Variants in GRIK1 observed in about 807,000 individuals in gnomAD.
GRIK1 encodes the protein glutamate ionotropic receptor kainate type subunit 1.
GRIK1 carries 69 observed loss-of-function variants against 105.7 expected under a neutral mutation model. That is an observed-to-expected ratio of 0.65 (90% confidence interval 0.54 to 0.80). GRIK1 has a LOEUF of 0.80. Among genes scored for constraint, GRIK1 ranks in the 30% least tolerant of loss-of-function variants. The pLI, the probability that GRIK1 is intolerant of heterozygous loss-of-function variation, is 0.00. For synonymous variants in GRIK1, 438 were observed against 431.3 expected, an observed-to-expected ratio of 1.02 and a Z score of -0.19; for missense variants, 1,109 against 1,167.3, an observed-to-expected ratio of 0.95 and a Z score of 0.73.
chr21:29,776,497 G>A (rs890866519), intron 1 of GRIK1, among the ~76,000 whole-genome samples: 2 of 152,128 alleles, frequency 1.3e-5, no homozygotes, highest in African/African-American at 4.8e-5. Flanking sequence ...TTTATTTATG[G>A]AGTTGAAATT....
rs182153476 is a variant in GRIK1 at position 29,706,129 on chromosome 21, C to T, written c.119-12066G>A. 4.5e-4 allele frequency among the ~76,000 whole-genome samples: 69 copies of T among 152,282 alleles called. 1 individual carries two copies. In the East Asian group the frequency reaches 0.012, roughly 27 times the overall value. On this transcript the variant is annotated intron_variant, in intron 1 of 17. Coordinates refer to ENST00000327783, the MANE Select transcript of GRIK1 (RefSeq NM_001330994.2). ...CCTCAGATGATCTGTCCGCCTCGGC[C>T]TCCCAAAGCGCTGGGATTACAGGCA...
At chr21:29,580,806 T>C (rs1334042232) in intron 13 of GRIK1, among the ~76,000 whole-genome samples, 3 of 151,728 alleles carry the variant, frequency 2.0e-5, no homozygotes, top group Non-Finnish European at 4.4e-5. Flanking sequence ...TTAAAATAGC[T>C]CCCCCTTCCC....
intron 5 of GRIK1, among the ~76,000 whole-genome samples, chr21:29,652,195 G>A (rs976714696): frequency 2.0e-5 from 3 of 152,124 alleles, no homozygotes; most frequent in African/African-American, 7.2e-5. Flanking sequence ...GGTTCTGAGT[G>A]GTGATGTGAT....
At chr21:29,735,379 G>A (rs909183623) in intron 1 of GRIK1, among the ~76,000 whole-genome samples, 3 of 152,120 alleles carry the variant, frequency 2.0e-5, no homozygotes, top group East Asian at 1.9e-4. Context: ...GAGGGGTACC[G>A]CTTTCTAATT....
chr21:29,856,258 A>AG (rs1569163560), intron 1 of GRIK1, among the ~76,000 whole-genome samples: 1 of 152,182 alleles, frequency 6.6e-6, no homozygotes, highest in African/African-American at 2.4e-5. Flanking sequence ...AAGATGAACC[A>AG]GCAGAGGAGA....
chr21:29,687,032 G>A (rs933695268), intron 3 of GRIK1, among the ~76,000 whole-genome samples: 6 of 152,182 alleles, frequency 3.9e-5, no homozygotes, highest in African/African-American at 1.4e-4. Flanking sequence ...GAGAGACGAG[G>A]CGAGACGAAA....
chr21:29,873,414 C>G (rs1366627642), intron 1 of GRIK1, among the ~76,000 whole-genome samples: 1 of 152,240 alleles, frequency 6.6e-6, no homozygotes. Context: ...TGCTTTGACA[C>G]TTAACAGGGG....
In GRIK1 at chr21:29,691,528, G is replaced by A. The variant is rs187013076; in HGVS notation, c.287-1543C>T. On this transcript the variant is annotated intron_variant, in intron 2 of 17. Coordinates refer to ENST00000327783, the MANE Select transcript of GRIK1 (RefSeq NM_001330994.2). ...AAACATATTAACCAAATTCCCTTCC[G>A]GAAAGGTTGGGGCAGTTTGCCCTCT... is the stretch of plus-strand genomic sequence containing the variant. Among the ~76,000 whole-genome samples the A allele has an allele frequency of 2.4e-3, 359 of 152,258 alleles. 2 individuals are homozygous for A. The highest frequency in any genetic ancestry group is 8.4e-3 in the African/African-American group (347 of 41,542).
intron 1 of GRIK1, among the ~76,000 whole-genome samples, chr21:29,776,257 T>C (rs2065941389): frequency 6.6e-6 from 1 of 152,228 alleles, no homozygotes; most frequent in Non-Finnish European, 1.5e-5. Context: ...CCAAACCATA[T>C]CAATGATTTA....
chr21:29,826,303 G>A (rs1467313512), intron 1 of GRIK1, among the ~76,000 whole-genome samples: 1 of 152,020 alleles, frequency 6.6e-6, no homozygotes, highest in Admixed American at 6.6e-5. Flanking sequence ...TGGGTATGAG[G>A]GTTACTTTTA....
At chr21:29,846,479 A>T (rs941164174) in intron 1 of GRIK1, among the ~76,000 whole-genome samples, 1 of 132,734 alleles carries the variant, frequency 7.5e-6, no homozygotes, top group East Asian at 2.6e-4. Flanking sequence ...GAAAGAAAGA[A>T]AGAAAGAAAG....
chr21:29,542,126 A>G (rs1224291249), intron 16 of GRIK1, among the ~76,000 whole-genome samples: 3 of 152,126 alleles, frequency 2.0e-5, no homozygotes, highest in Admixed American at 6.5e-5. Context: ...AGAAACTTCA[A>G]CTAAAACTCT....
intron 1 of GRIK1, among the ~76,000 whole-genome samples, chr21:29,905,071 A>T (rs1056642898): frequency 2.0e-5 from 3 of 152,186 alleles, no homozygotes; most frequent in African/African-American, 7.2e-5. Flanking sequence ...AAAATTTAGA[A>T]TCAGAGGGTC....
At chr21:29,744,305 T>G (rs528890392) in intron 1 of GRIK1, among the ~76,000 whole-genome samples, 1 of 152,290 alleles carries the variant, frequency 6.6e-6, no homozygotes, top group South Asian at 2.1e-4. Flanking sequence ...TCTGACTCCT[T>G]TTCCCACTTT....
chr21:29,663,010 A>G (rs2062994720), intron 4 of GRIK1, among the ~76,000 whole-genome samples: 1 of 152,236 alleles, frequency 6.6e-6, no homozygotes, highest in African/African-American at 2.4e-5. Context: ...TAATATTCAC[A>G]GCGACTGCTT....
At chr21:29,616,355 G>T (rs193286620) in intron 7 of GRIK1, among the ~76,000 whole-genome samples, 1 of 152,088 alleles carries the variant, frequency 6.6e-6, no homozygotes, top group Admixed American at 6.5e-5. Context: ...AGCTCTAGGG[G>T]TCCTTTATCA....
At chr21:29,553,289 A>C (rs1340818507) in intron 16 of GRIK1, 1 of 1,062,768 alleles carries the variant, frequency 9.4e-7, no homozygotes, top group Admixed American at 5.3e-5. Flanking sequence ...GCATGAAGAT[A>C]GAACTAAGAT....
At chr21:29,784,625 ATC>A (rs1340121507) in intron 1 of GRIK1, among the ~76,000 whole-genome samples, 1 of 152,164 alleles carries the variant, frequency 6.6e-6, no homozygotes, top group Non-Finnish European at 1.5e-5. Flanking sequence ...TACACAGAAA[ATC>A]TCTTTGTTTT....
chr21:29,711,917 C>CT (rs57878086), intron 1 of GRIK1, among the ~76,000 whole-genome samples: 17,934 of 151,412 alleles, frequency 0.12, 1,899 homozygotes, highest in African/African-American at 0.28. Flanking sequence ...TGAAATTTTT[C>CT]TTTTTTGAAA....
Sources: allele counts gnomAD v4.1 joint callset (sites outside exome capture counted in the v4.1 genomes callset), GRCh38; gene constraint gnomAD v4.1.1; transcripts MANE v1.5; gene names NCBI Gene and HGNC (gene_info 2026-07-23, HGNC 2026-07-21).